Variants in ATF6 observed in about 807,000 individuals in gnomAD.
ATF6 encodes the protein activating transcription factor 6.
Under a neutral mutation model 83.6 loss-of-function variants are expected in ATF6, and 53 were observed. The observed-to-expected ratio is 0.63, with a 90% CI of 0.51 to 0.80. The LOEUF (loss-of-function observed/expected upper bound fraction) is 0.80, where lower values mean the gene tolerates loss of function less well. Among genes scored for constraint, ATF6 ranks in the 30% least tolerant of loss-of-function variants. The pLI, the probability that ATF6 is intolerant of heterozygous loss-of-function variation, is 0.00. For synonymous variants in ATF6, 288 were observed against 285.8 expected, an observed-to-expected ratio of 1.01 and a Z score of -0.08; for missense variants, 744 against 797.9, an observed-to-expected ratio of 0.93 and a Z score of 0.81.
Position 161,893,424 on chromosome 1 carries a change from C to T in ATF6, c.1720-18872C>T, listed in dbSNP as rs182553467. On this transcript the variant is annotated intron_variant, in intron 14 of 15. Transcript: ENST00000367942. ...CAGGTGATCCGCCAGCCTCAGCCTC[C>T]TAAAGTGCTGGGATTACAGGCGTGA... 1.4e-4 allele frequency among the ~76,000 whole-genome samples: 21 copies of T among 152,206 alleles called. 1 individual carries two copies. The highest frequency in any genetic ancestry group is 4.8e-4 in the African/African-American group (20 of 41,450).
chr1:161,769,992 A>G (rs1183530017), intron 1 of ATF6, among the ~76,000 whole-genome samples: 1 of 152,152 alleles, frequency 6.6e-6, no homozygotes, highest in African/African-American at 2.4e-5. Context: ...TGACAAAGGT[A>G]TAATGACATG....
At chr1:161,918,232 C>A (rs1277101078) in intron 15 of ATF6, among the ~76,000 whole-genome samples, 1 of 151,920 alleles carries the variant, frequency 6.6e-6, no homozygotes, top group African/African-American at 2.4e-5. Flanking sequence ...TTTGTGACCA[C>A]TTGAAAATAT....
chr1:161,790,485 T>G (rs1684850000), intron 4 of ATF6, among the ~76,000 whole-genome samples: 1 of 152,160 alleles, frequency 6.6e-6, no homozygotes, highest in Non-Finnish European at 1.5e-5. Flanking sequence ...TGTATCTCAA[T>G]CATTATGAAT....
chr1:161,899,591 A>G (rs1421368172), intron 14 of ATF6, among the ~76,000 whole-genome samples: 1 of 152,192 alleles, frequency 6.6e-6, no homozygotes, highest in Non-Finnish European at 1.5e-5. Context: ...AAGTTTATTA[A>G]GTCTTATTTG....
intron 15 of ATF6, among the ~76,000 whole-genome samples, chr1:161,925,788 G>GA (rs912306733): frequency 4.6e-5 from 7 of 151,924 alleles, no homozygotes; most frequent in African/African-American, 1.5e-4. Flanking sequence ...TTGTATCTAA[G>GA]AAAAAAATGT....
intron 14 of ATF6, among the ~76,000 whole-genome samples, chr1:161,906,493 A>G (rs1051575686): frequency 3.9e-5 from 6 of 152,196 alleles, no homozygotes; most frequent in Admixed American, 2.6e-4. Flanking sequence ...TTTTGGTGTT[A>G]ATAAAAGGGG....
chr1:161,830,835 C>T (rs1468309827), intron 9 of ATF6, among the ~76,000 whole-genome samples: 1 of 152,146 alleles, frequency 6.6e-6, no homozygotes, highest in Non-Finnish European at 1.5e-5. Context: ...GACCTAAAAC[C>T]ATAAAAACCC....
At chr1:161,800,915 A>T (rs1386417057) in intron 6 of ATF6, among the ~76,000 whole-genome samples, 1 of 152,170 alleles carries the variant, frequency 6.6e-6, no homozygotes, top group African/African-American at 2.4e-5. Flanking sequence ...TTATGACTGT[A>T]TGCTGCTTTA....
At chr1:161,849,208 T>C (rs1488889937) in intron 10 of ATF6, among the ~76,000 whole-genome samples, 3 of 152,158 alleles carry the variant, frequency 2.0e-5, no homozygotes, top group Admixed American at 6.5e-5. Flanking sequence ...TTTTTTTCCT[T>C]CTCACTCAAT....
At chr1:161,949,957 T>C (rs1688829231) in intron 15 of ATF6, among the ~76,000 whole-genome samples, 1 of 152,228 alleles carries the variant, frequency 6.6e-6, no homozygotes, top group Non-Finnish European at 1.5e-5. Context: ...TTGTCTTCAG[T>C]GTTATACAAA....
chr1:161,778,199 TA>T, intron 1 of ATF6, 44 bp from the exon 2 acceptor site: 1 of 1,516,526 alleles, frequency 6.6e-7, no homozygotes, highest in Non-Finnish European at 9.1e-7. Flanking sequence ...CTTTGTCAAA[TA>T]ATTGAATTGA....
intron 4 of ATF6, among the ~76,000 whole-genome samples, chr1:161,784,688 T>C (rs1684707050): frequency 1.3e-5 from 2 of 152,204 alleles, no homozygotes; most frequent in South Asian, 4.1e-4. Flanking sequence ...AATCAAATAA[T>C]ATTTTAGTAT....
intron 1 of ATF6, among the ~76,000 whole-genome samples, chr1:161,776,930 G>C (rs1684528493): frequency 6.6e-6 from 1 of 152,204 alleles, no homozygotes; most frequent in Admixed American, 6.5e-5. Context: ...TTGTGTTAGG[G>C]AGATGAGGAA....
chr1:161,896,749 G>T lies in ATF6; in HGVS notation c.1720-15547G>T, dbSNP rs572217154. Among the ~76,000 whole-genome samples the T allele has an allele frequency of 4.6e-5, 7 of 152,288 alleles. No homozygotes were observed. In the East Asian group the frequency reaches 1.3e-3, roughly 29 times the overall value. ...GGAAAAATAATATTGCTTTGAAAGTGTGAAGTATTTAGAATTTCTTAAATA... is the reference window on the plus strand; with the variant it reads ...GGAAAAATAATATTGCTTTGAAAGTTTGAAGTATTTAGAATTTCTTAAATA... On this transcript the variant is annotated intron_variant, in intron 14 of 15. Coordinates refer to ENST00000367942, the MANE Select transcript of ATF6 (RefSeq NM_007348.4).
intron 4 of ATF6, 80 bp from the exon 5 acceptor site, chr1:161,791,328 A>G (rs929520593): frequency 7.9e-7 from 1 of 1,265,526 alleles, no homozygotes; most frequent in South Asian, 1.5e-5. Flanking sequence ...TTTTCTGTTT[A>G]TATGTGGGTC....
chr1:161,772,703 ATGT>A (rs1571115462), intron 1 of ATF6, among the ~76,000 whole-genome samples: 1 of 151,350 alleles, frequency 6.6e-6, no homozygotes, highest in Non-Finnish European at 1.5e-5. Flanking sequence ...GTAAATGAAC[ATGT>A]TGTTGTTTCT....
chr1:161,856,769 C>G (rs1443983862), intron 12 of ATF6, among the ~76,000 whole-genome samples: 1 of 151,890 alleles, frequency 6.6e-6, no homozygotes, highest in East Asian at 1.9e-4. Flanking sequence ...GTTTTTCTTT[C>G]CTAGTCATTA....
chr1:161,944,910 G>A (rs1245844815), intron 15 of ATF6, among the ~76,000 whole-genome samples: 1 of 152,200 alleles, frequency 6.6e-6, no homozygotes, highest in South Asian at 2.1e-4. Context: ...TCAGGCCATT[G>A]GTTATCCAGC....
At chr1:161,789,182 T>A (rs1684821405) in intron 4 of ATF6, among the ~76,000 whole-genome samples, 1 of 151,540 alleles carries the variant, frequency 6.6e-6, no homozygotes, top group Non-Finnish European at 1.5e-5. Flanking sequence ...TATTTTAAAA[T>A]GTACAACTAA....
Sources: gnomAD v4.1 joint callset for allele counts (sites outside exome capture counted in the v4.1 genomes callset) on GRCh38, gnomAD v4.1.1 for gene constraint, MANE v1.5 for transcripts, NCBI Gene and HGNC (gene_info 2026-07-23, HGNC 2026-07-21) for gene names.